FDFT1: variants seen among roughly 807,000 people sequenced by gnomAD.
FDFT1 encodes the protein squalene synthase.
In FDFT1, 68 loss-of-function variants were observed where a neutral mutation model predicts 46.8. The observed-to-expected ratio is 1.45, with a 90% CI of 1.19 to 1.78. FDFT1 has a LOEUF of 1.78. FDFT1 is among the 40% of genes most tolerant of loss of function. The probability of loss-of-function intolerance (pLI) is 0.00; values close to 1 mark genes in which losing one functional copy is unlikely to be tolerated. For missense variants in FDFT1, 928 were observed against 524.4 expected (o/e 1.77, Z -7.52); for synonymous variants, 351 against 185.1 (o/e 1.90, Z -7.28).
chr8:11,806,894 A>C, intron 1 of FDFT1, among the ~76,000 whole-genome samples: 1 of 152,194 alleles, frequency 6.6e-6, no homozygotes, highest in East Asian at 1.9e-4. Flanking sequence ...AAGTTTACTA[A>C]TATTATGGTG....
intron 7 of FDFT1, among the ~76,000 whole-genome samples, chr8:11,837,430 C>A (rs1178341117): frequency 6.6e-6 from 1 of 152,128 alleles, no homozygotes. Context: ...CAGGGTTTTA[C>A]TGTGTTGTCC....
rs187386064 is a variant in FDFT1 at position 11,796,350 on chromosome 8, G to T, written c.-94+339G>T. On this transcript the variant is annotated intron_variant, in intron 1 of 7. Coordinates refer to the FDFT1 transcript ENST00000538689. ...CTGTGTAGGCCCAGCCCTTGTGCTT[G>T]AGGGGGCCACTGTGAGGTGGCGAAA... Among the ~76,000 whole-genome samples the T allele has an allele frequency of 1.0e-3, 156 of 152,336 alleles. 1 individual carries two copies. The highest frequency in any genetic ancestry group is 3.5e-3 in the African/African-American group (146 of 41,564).
chr8:11,809,044 G>C (rs1384937696), intron 2 of FDFT1, 153 bp downstream of exon 2: 3 of 1,360,698 alleles, frequency 2.2e-6, no homozygotes, highest in African/African-American at 2.9e-5. Flanking sequence ...GTTTACTTTA[G>C]AAAGCCCTTC....
chr8:11,807,037 A>G (rs879385546), intron 1 of FDFT1, among the ~76,000 whole-genome samples: 2 of 146,390 alleles, frequency 1.4e-5, no homozygotes, highest in African/African-American at 2.5e-5. Flanking sequence ...AATAAAAACA[A>G]CATAGTTCAC....
chr8:11,838,922 T>G lies in FDFT1; in HGVS notation c.*313T>G, dbSNP rs1285703313. On this transcript the variant is annotated 3_prime_UTR_variant, in exon 8 of 8. Coordinates refer to ENST00000220584, the MANE Select transcript of FDFT1 (RefSeq NM_004462.5). ...GACTGTCATGAGATCCTACTTAGTATGATCCTGGCTAGAATGATAATTAAA... is the reference window on the plus strand; with the variant it reads ...GACTGTCATGAGATCCTACTTAGTAGGATCCTGGCTAGAATGATAATTAAA... 2 of 318,090 alleles carry G rather than the reference T, an allele frequency of 6.3e-6. No homozygotes were observed. The highest frequency in any genetic ancestry group is 9.4e-5 in the Admixed American group (2 of 21,242). 19.7% of individuals were successfully genotyped at this position (318,090 alleles called of 1,614,324 possible).
At position 11,823,262 on chromosome 8, in the gene FDFT1, AT is replaced by A. The variant is rs1220647292; in HGVS notation, c.510+1392del. ...GACCAGCCAATTATTTCAAGGAGTT[AT>A]TTTTTTTCTTCTACTTTGGGGGAAG... On this transcript the variant is annotated intron_variant, in intron 4 of 7. Coordinates refer to ENST00000220584, the MANE Select transcript of FDFT1 (RefSeq NM_004462.5). Among the ~76,000 whole-genome samples the A allele has an allele frequency of 1.2e-4, 18 of 151,922 alleles. No homozygotes were observed. In the East Asian group the frequency reaches 2.9e-3, roughly 24 times the overall value.
At chr8:11,800,944 T>A (rs1170302682), upstream of FDFT1, among the ~76,000 whole-genome samples, 1 of 152,152 alleles carries the variant, frequency 6.6e-6, no homozygotes, top group Non-Finnish European at 1.5e-5. Context: ...ATTTTTAGTT[T>A]ACAGTAGTAG....
At chr8:11,834,453 TC>T (rs1253881009) in intron 7 of FDFT1, among the ~76,000 whole-genome samples, 1 of 152,302 alleles carries the variant, frequency 6.6e-6, no homozygotes, top group East Asian at 1.9e-4. Flanking sequence ...TCTGCACACT[TC>T]CTGTGCCCTC....
Position 11,809,600 on chromosome 8 carries a change from G to C in FDFT1, c.198-67G>C, listed in dbSNP as rs868010070. On this transcript the variant is annotated intron_variant, in intron 2 of 7. Transcript: ENST00000220584. Reference sequence around the variant, plus strand: ...GGGTTTAGAAAGTGGCCAGGCACAAGTTATTTTAAAATAAAAAATCTTTGG... The same window carrying C: ...GGGTTTAGAAAGTGGCCAGGCACAACTTATTTTAAAATAAAAAATCTTTGG... The C allele has an allele frequency of 5.4e-6, 8 of 1,475,824 alleles. No homozygotes were observed. In the African/African-American group the frequency reaches 7.1e-5, roughly 13 times the overall value. The allele number at this position is 1,475,824 out of a possible 1,614,324, so 91.4% of individuals were successfully genotyped here. A position where few individuals can be genotyped will look rare whatever the true frequency, so the allele number is the denominator to read the frequency against.
At chr8:11,808,346 C>T (rs879802170) in intron 1 of FDFT1, 1 of 1,233,712 alleles carries the variant, frequency 8.1e-7, no homozygotes, top group Admixed American at 4.2e-5. Flanking sequence ...GGAGGAGGCG[C>T]CGGTGCGGAG....
rs118108325 is a variant in FDFT1 at position 11,803,837 on chromosome 8, A to G, written c.99+906A>G. ...AATTTCTGGTTTTTGTCCCCAGTAG[A>G]CTACACCCTCATTTGGTGTTATTTT... On this transcript the variant is annotated intron_variant, in intron 1 of 7. Coordinates refer to ENST00000220584, the MANE Select transcript of FDFT1 (RefSeq NM_004462.5). 43 of 157,050 alleles carry G rather than the reference A, an allele frequency of 2.7e-4. 1 individual carries two copies. In the East Asian group the frequency reaches 7.3e-3, roughly 27 times the overall value. 9.7% of individuals were successfully genotyped at this position (157,050 alleles called of 1,614,324 possible). A position where few individuals can be genotyped will look rare whatever the true frequency, so the allele number is the denominator to read the frequency against.
At chr8:11,817,954 A>G (rs1808690656) in intron 3 of FDFT1, among the ~76,000 whole-genome samples, 2 of 151,870 alleles carry the variant, frequency 1.3e-5, no homozygotes, top group Non-Finnish European at 2.9e-5. Flanking sequence ...TGTGATGTTA[A>G]GGTGTTGTTT....
upstream of FDFT1, chr8:11,802,600 C>A: frequency 1.7e-6 from 1 of 591,974 alleles, no homozygotes; most frequent in Non-Finnish European, 3.1e-6. Flanking sequence ...CTAGTGTGAG[C>A]GGCCCTGGCC....
upstream of FDFT1, among the ~76,000 whole-genome samples, chr8:11,800,911 C>T (rs186553601): frequency 6.6e-6 from 1 of 152,136 alleles, no homozygotes; most frequent in Admixed American, 6.6e-5. Context: ...AGTGGGAGGG[C>T]TGTCCAGTGG....
rs138035023 is a variant in FDFT1, at chr8:11,831,559, G to C, written c.921G>C (p.Gln307His). The C allele has an allele frequency of 6.2e-7, 1 of 1,614,138 alleles. No homozygotes were observed. The highest frequency in any genetic ancestry group is 1.3e-5 in the African/African-American group (1 of 75,060). ...CTTTGGCTGCCTGTTATAATAACCA[G>C]CAGGTGTTCAAAGGGGCAGTGAAGA... ...IATLAACYNN[Q>H]QVFKGAVKIR... Residue 307 changes from glutamine to histidine, a missense_variant, in exon 7 of 8, where the codon CAG becomes CAC. Physicochemically the swap from Gln to His is conservative, Grantham distance 24. Transcript: ENST00000220584.
At chr8:11,831,250 C>A (rs562742737) in intron 6 of FDFT1, among the ~76,000 whole-genome samples, 1 of 152,254 alleles carries the variant, frequency 6.6e-6, no homozygotes, top group Non-Finnish European at 1.5e-5. Flanking sequence ...CTTGTGTTTG[C>A]TTTTTCCAAA....
chr8:11,814,378 C>G (rs1026772110), intron 3 of FDFT1, among the ~76,000 whole-genome samples: 6 of 149,678 alleles, frequency 4.0e-5, no homozygotes, highest in Non-Finnish European at 8.8e-5. Context: ...ATGTGTATTC[C>G]TGGTATGTTG....
chr8:11,835,110 T>G (rs1442444664), intron 7 of FDFT1, among the ~76,000 whole-genome samples: 1 of 152,084 alleles, frequency 6.6e-6, no homozygotes, highest in African/African-American at 2.4e-5. Flanking sequence ...GGCAACAGGG[T>G]GAAGGCCCTT....
chr8:11,817,305 A>C (rs945158125), intron 3 of FDFT1, among the ~76,000 whole-genome samples: 1 of 152,250 alleles, frequency 6.6e-6, no homozygotes, highest in African/African-American at 2.4e-5. Context: ...ATCAACGTTC[A>C]TCAGGGATAT....
Sources: allele counts gnomAD v4.1 joint callset (sites outside exome capture counted in the v4.1 genomes callset), GRCh38; gene constraint gnomAD v4.1.1; transcripts MANE v1.5; gene names NCBI Gene and HGNC (gene_info 2026-07-23, HGNC 2026-07-21).